Variants in CXXC5 observed in about 807,000 individuals in gnomAD.
The protein encoded by CXXC5 is CXXC finger protein 5.
Under a neutral mutation model 17.6 loss-of-function variants are expected in CXXC5, and 2 were observed. The ratio of observed to expected loss-of-function variants is 0.11; its 90% CI spans 0.05 to 0.36. CXXC5 has a LOEUF of 0.36. Among genes scored for constraint, CXXC5 ranks in the 10% least tolerant of loss-of-function variants. The pLI is 1.00. For synonymous variants in CXXC5, 171 were observed against 193.0 expected (o/e 0.89, Z 0.94); for missense variants, 343 against 458.3 (o/e 0.75, Z 2.30).
At chr5:139,664,325 C>T (rs1011008360) in intron 1 of CXXC5, among the ~76,000 whole-genome samples, 5 of 152,084 alleles carry the variant, frequency 3.3e-5, no homozygotes, top group African/African-American at 1.2e-4. Flanking sequence ...GTCAGGGTTG[C>T]GCACCTCCTC....
intron 1 of CXXC5, among the ~76,000 whole-genome samples, chr5:139,660,065 G>T (rs938899174): frequency 6.6e-6 from 1 of 152,196 alleles, no homozygotes; most frequent in Non-Finnish European, 1.5e-5. Flanking sequence ...AGGGAAGCTG[G>T]GGCTGCCTCC....
chr5:139,666,317 T>TCACCCC (rs1485583774), intron 1 of CXXC5, among the ~76,000 whole-genome samples: 1 of 152,146 alleles, frequency 6.6e-6, no homozygotes, highest in Non-Finnish European at 1.5e-5. Flanking sequence ...TTCACCCCCT[T>TCACCCC]CACCCCCATC....
intron 1 of CXXC5, among the ~76,000 whole-genome samples, chr5:139,678,622 G>A (rs575005526): frequency 6.6e-6 from 1 of 152,302 alleles, no homozygotes; most frequent in East Asian, 1.9e-4. Flanking sequence ...CCTTAGTCCT[G>A]GGGAAGCCCC....
At chr5:139,656,889 T>A (rs1426813478) in intron 1 of CXXC5, among the ~76,000 whole-genome samples, 1 of 152,106 alleles carries the variant, frequency 6.6e-6, no homozygotes, top group Non-Finnish European at 1.5e-5. Flanking sequence ...CATGCCTGGC[T>A]AATTTTTGTA....
At chr5:139,653,821 C>T (rs1755339545) in intron 1 of CXXC5, among the ~76,000 whole-genome samples, 2 of 152,196 alleles carry the variant, frequency 1.3e-5, no homozygotes, top group Non-Finnish European at 2.9e-5. Context: ...CATTTCCTGC[C>T]TCTGATGCTG....
At chr5:139,648,934 T>G (rs1755006084) in intron 1 of CXXC5, 89 bp downstream of exon 1, 5 of 147,954 alleles carry the variant, frequency 3.4e-5, no homozygotes, top group Non-Finnish European at 7.5e-5. Flanking sequence ...TCCCCCGGGG[T>G]TCGGTGCGCG....
intron 1 of CXXC5, among the ~76,000 whole-genome samples, chr5:139,651,401 G>A (rs1193268918): frequency 6.6e-6 from 1 of 151,788 alleles, no homozygotes; most frequent in Non-Finnish European, 1.5e-5. Context: ...GCTGGGCTGG[G>A]GTGGGTGGGG....
At position 139,658,742 on chromosome 5, in the gene CXXC5, C is replaced by T. The variant is rs540006743; in HGVS notation, c.-161+9897C>T. On this transcript the variant is annotated intron_variant, in intron 1 of 2. Transcript: ENST00000302517. The surrounding 1 kb of genome is among the most constrained non-coding windows in gnomAD (Gnocchi z 4.1). ...CTGACTCATGGCCGCCTGCAGCTCC[C>T]CCTCCCTTGGGGTCCTCAGCAGCCC... 4.1e-4 allele frequency among the ~76,000 whole-genome samples: 62 copies of T among 152,352 alleles called. No homozygotes were observed. Among genetic ancestry groups the T allele is most frequent in the Non-Finnish European group, 6.9e-4 (47 of 68,026 alleles).
At chr5:139,656,770 G>C (rs1257580147) in intron 1 of CXXC5, among the ~76,000 whole-genome samples, 4 of 152,140 alleles carry the variant, frequency 2.6e-5, no homozygotes, top group Admixed American at 2.6e-4. Flanking sequence ...TGTCACCCAG[G>C]CTGGAGTGCA....
intron 1 of CXXC5, among the ~76,000 whole-genome samples, chr5:139,665,079 C>T (rs1427899213): frequency 6.6e-6 from 1 of 152,250 alleles, no homozygotes; most frequent in Non-Finnish European, 1.5e-5. Context: ...TCTGCTGGCT[C>T]AGCCAGCTTG....
rs1240900019 is a variant in CXXC5, at chr5:139,663,843, G to A, written c.-161+14998G>A. Among the ~76,000 whole-genome samples the A allele has an allele frequency of 6.6e-6, 1 of 152,202 alleles. No individual in the cohort carries two copies. The highest frequency in any genetic ancestry group is 1.5e-5 in the Non-Finnish European group (1 of 68,016). The stretch of plus-strand genomic sequence containing the variant: ...ATAGGTCCTCTCCAGGACCTGACGA[G>A]GTGGGGGCTGTCAGCGGCTGCATTT... On this transcript the variant is annotated intron_variant, in intron 1 of 2. Coordinates refer to ENST00000302517, the MANE Select transcript of CXXC5 (RefSeq NM_016463.9). The surrounding 1 kb of genome is among the most constrained non-coding windows in gnomAD (Gnocchi z 4.2).
At chr5:139,666,036 A>G (rs1174017274) in intron 1 of CXXC5, among the ~76,000 whole-genome samples, 2 of 152,178 alleles carry the variant, frequency 1.3e-5, no homozygotes, top group Non-Finnish European at 2.9e-5. Flanking sequence ...CTCTAAACCT[A>G]TTCTCAAAGG....
intron 1 of CXXC5, among the ~76,000 whole-genome samples, chr5:139,677,584 C>T (rs1420159854): frequency 2.6e-5 from 4 of 152,196 alleles, no homozygotes; most frequent in Non-Finnish European, 4.4e-5. Context: ...CCAGTCCCTC[C>T]GTGTACCCAC....
At chr5:139,649,157 C>T (rs539691906) in intron 1 of CXXC5, 1 of 152,454 alleles carries the variant, frequency 6.6e-6, no homozygotes, top group African/African-American at 2.4e-5. Context: ...CCTCCCTAAG[C>T]CGCAGTATGC....
chr5:139,670,549 C>T lies in CXXC5; in HGVS notation c.-160-9815C>T, dbSNP rs540231437. Among the ~76,000 whole-genome samples, 1 of 152,228 alleles carries T rather than the reference C, an allele frequency of 6.6e-6. No individual in the cohort carries two copies. Among genetic ancestry groups the T allele is most frequent in the Non-Finnish European group, 1.5e-5 (1 of 68,048 alleles). On this transcript the variant is annotated intron_variant, in intron 1 of 2. Transcript: ENST00000302517. This position sits in a 1 kb window ranked among gnomAD's most constrained non-coding sequence, Gnocchi z 4.2. Reference sequence around the variant, plus strand: ...GGCCCCAGACTCATACAGCCCAGAGCTCCTGACACAACTCACAGTGCATGC... The same window carrying T: ...GGCCCCAGACTCATACAGCCCAGAGTTCCTGACACAACTCACAGTGCATGC...
intron 1 of CXXC5, among the ~76,000 whole-genome samples, chr5:139,656,806 C>T (rs1033321821): frequency 6.6e-6 from 1 of 152,210 alleles, no homozygotes; most frequent in African/African-American, 2.4e-5. Flanking sequence ...CTCACTGCAA[C>T]CCCCACCTCC....
chr5:139,652,159 CGCGCGCGCGCGCGTGT>C (rs933699793), intron 1 of CXXC5, among the ~76,000 whole-genome samples: 2 of 126,714 alleles, frequency 1.6e-5, no homozygotes, highest in East Asian at 2.4e-4. Flanking sequence ...CGCGCGCGCG[CGCGCGCGCGCGCGTGT>C]GTGTGTGTGT....
At position 139,680,900 on chromosome 5, in the gene CXXC5, C is replaced by T. The variant is rs767759718; in HGVS notation, c.377C>T (p.Ala126Val). Residue 126 changes from alanine (A) to valine (V), a missense_variant, in exon 2 of 3, where the codon GCG becomes GTG. Transcript: ENST00000302517. ...GGGCATGACCTGGCGGCGGCCATGG[C>T]GGTGGACAAAAGCAACCCTACCTCA... Reference protein sequence around the residue: ...ANGHDLAAAMAVDKSNPTSKH... With the variant: ...ANGHDLAAAMVVDKSNPTSKH... The T allele has an allele frequency of 1.6e-5, 25 of 1,604,066 alleles. No homozygotes were observed. The highest frequency in any genetic ancestry group is 1.6e-4 in the Middle Eastern group (1 of 6,082).
upstream of CXXC5, chr5:139,647,940 T>A (rs891883250): frequency 6.6e-6 from 1 of 151,190 alleles, no homozygotes; most frequent in South Asian, 2.1e-4. Flanking sequence ...AAATTCTCCC[T>A]CCCGGTCCTC....
Sources: allele counts gnomAD v4.1 joint callset (sites outside exome capture counted in the v4.1 genomes callset), GRCh38; gene constraint gnomAD v4.1.1; non-coding constraint Gnocchi (gnomAD v3.1); transcripts MANE v1.5; gene names NCBI Gene and HGNC (gene_info 2026-07-23, HGNC 2026-07-21).